EYS: variants seen among roughly 807,000 people sequenced by gnomAD.
The protein encoded by EYS is protein eyes shut homolog.
A neutral mutation model predicts 282.1 loss-of-function variants in EYS; 250 were observed. That is an observed-to-expected ratio of 0.89 (90% CI 0.80 to 0.98). The LOEUF (loss-of-function observed/expected upper bound fraction) is 0.98, where lower values mean the gene tolerates loss of function less well. Among genes scored for constraint, EYS ranks in the 50% least tolerant of loss-of-function variants. The probability of loss-of-function intolerance (pLI) is 0.00; values close to 1 mark genes in which losing one functional copy is unlikely to be tolerated. For missense variants in EYS, 4,016 were observed against 3,709.0 expected, an observed-to-expected ratio of 1.08 and a Z score of -2.15; for synonymous variants, 1,355 against 1,282.9, an observed-to-expected ratio of 1.06 and a Z score of -1.20.
chr6:65,590,685 A>G (rs1765198848), intron 2 of EYS, among the ~76,000 whole-genome samples: 1 of 152,022 alleles, frequency 6.6e-6, no homozygotes, highest in African/African-American at 2.4e-5. Flanking sequence ...TACTTCTAGA[A>G]GATCAACTTT....
chr6:65,506,853 A>T (rs2127282829), intron 2 of EYS, among the ~76,000 whole-genome samples: 1 of 152,228 alleles, frequency 6.6e-6, no homozygotes, highest in South Asian at 2.1e-4. Context: ...ACCTTGTAAC[A>T]GAATATTCCT....
intron 35 of EYS, among the ~76,000 whole-genome samples, chr6:63,955,375 C>T (rs1261182141): frequency 6.6e-6 from 1 of 152,192 alleles, no homozygotes; most frequent in Non-Finnish European, 1.5e-5. Flanking sequence ...CCATAAGTCT[C>T]TCTTAAAGTG....
intron 36 of EYS, 37 bp from the exon 37 acceptor site, chr6:63,806,409 C>G: frequency 6.8e-7 from 1 of 1,480,506 alleles, no homozygotes; most frequent in Non-Finnish European, 9.0e-7. Context: ...TAAAATAAAC[C>G]TGTACATGTA....
At chr6:64,151,313 ATATT>A (rs1199559950) in intron 31 of EYS, among the ~76,000 whole-genome samples, 850 of 50,880 alleles carry the variant, frequency 0.017, 14 homozygotes, top group East Asian at 0.07. Flanking sequence ...GTGTGTGTGT[ATATT>A]TATATATATA....
intron 2 of EYS, among the ~76,000 whole-genome samples, chr6:65,528,191 T>C (rs1323788099): frequency 6.6e-6 from 1 of 152,320 alleles, no homozygotes; most frequent in Admixed American, 6.5e-5. Context: ...AATGTCCATA[T>C]TGTGGAATTC....
chr6:65,400,488 T>C (rs933444762), intron 7 of EYS, among the ~76,000 whole-genome samples: 6 of 151,924 alleles, frequency 3.9e-5, no homozygotes, highest in East Asian at 1.9e-4. Flanking sequence ...ACTTTACAAC[T>C]CCTTCTGCTC....
chr6:64,852,622 A>C lies in EYS; in HGVS notation c.2993-29800T>G, dbSNP rs182508068. Among the ~76,000 whole-genome samples the C allele has an allele frequency of 1.8e-3, 278 of 152,308 alleles. 1 individual carries two copies. Among genetic ancestry groups the C allele is most frequent in the African/African-American group, 6.2e-3 (256 of 41,590 alleles). ...GAATGTTTGTAGATGTAATAAAGTT[A>C]AGATGAGGTTATACTGAAATAAGAT... On this transcript the variant is annotated intron_variant, in intron 19 of 42. Transcript: ENST00000503581.
At chr6:63,804,473 C>T (rs1333260391) in intron 37 of EYS, among the ~76,000 whole-genome samples, 1 of 152,200 alleles carries the variant, frequency 6.6e-6, no homozygotes, top group Non-Finnish European at 1.5e-5. Flanking sequence ...ATGGTGGAGA[C>T]TGATTCATGT....
chr6:65,022,364 C>T (rs970016247), intron 13 of EYS, among the ~76,000 whole-genome samples: 6 of 152,068 alleles, frequency 3.9e-5, no homozygotes, highest in East Asian at 3.9e-4. Flanking sequence ...ATGCTTATTG[C>T]GATAGTAACA....
chr6:64,497,250 G>C (rs1373027649), intron 26 of EYS, among the ~76,000 whole-genome samples: 1 of 152,142 alleles, frequency 6.6e-6, no homozygotes, highest in East Asian at 1.9e-4. Context: ...TGCAAACTCA[G>C]AAGGCTGAGG....
At chr6:65,330,130 T>C in intron 11 of EYS, 1 of 981,858 alleles carries the variant, frequency 1.0e-6, no homozygotes, top group Non-Finnish European at 1.2e-6. Flanking sequence ...ACTTTCTAAA[T>C]GAAACAGAAG....
intron 22 of EYS, among the ~76,000 whole-genome samples, chr6:64,712,109 TC>T (rs1771235032): frequency 6.6e-6 from 1 of 152,202 alleles, no homozygotes. Flanking sequence ...AGATGGGGTT[TC>T]ACTAGGTACC....
intron 18 of EYS, among the ~76,000 whole-genome samples, chr6:64,891,165 TA>T (rs67723372): frequency 0.16 from 23,564 of 144,770 alleles, 2,152 homozygotes; most frequent in East Asian, 0.5. Flanking sequence ...TCATAGAGAT[TA>T]AAAAAAAAAA....
intron 12 of EYS, among the ~76,000 whole-genome samples, chr6:65,243,972 T>C (rs1767116965): frequency 6.6e-6 from 1 of 152,226 alleles, no homozygotes; most frequent in Non-Finnish European, 1.5e-5. Context: ...TAAAATAGTT[T>C]TTGAACCAAT....
chr6:63,846,554 A>C (rs1483878225), intron 36 of EYS, among the ~76,000 whole-genome samples: 1 of 152,258 alleles, frequency 6.6e-6, no homozygotes, highest in East Asian at 1.9e-4. Context: ...AAACTGAATC[A>C]CTAGGTGCAA....
chr6:63,826,845 C>CA (rs59957107), intron 36 of EYS, among the ~76,000 whole-genome samples: 35 of 76,738 alleles, frequency 4.6e-4, no homozygotes, highest in Middle Eastern at 9.3e-3. Flanking sequence ...AGTTAAAAAG[C>CA]AAAAAAAAAA....
At position 64,876,889 on chromosome 6, in the gene EYS, G is replaced by A. The variant is rs1364572534; in HGVS notation, c.2992+9808C>T. ...TTTAGCAGACCAATGTAAGGAGTAT[G>A]TGCTTTGTTCAAGTATTTTGGGAAG... is the stretch of plus-strand genomic sequence containing the variant. On this transcript the variant is annotated intron_variant, in intron 19 of 42. Transcript: ENST00000503581. 7.9e-5 allele frequency among the ~76,000 whole-genome samples: 12 copies of A among 152,096 alleles called. 1 individual carries two copies.
chr6:65,696,163 A>G (rs1204464863), intron 1 of EYS, among the ~76,000 whole-genome samples: 2 of 152,038 alleles, frequency 1.3e-5, no homozygotes, highest in East Asian at 1.9e-4. Context: ...GTATTCTTCA[A>G]AACGACTGAT....
At chr6:63,901,664 A>T (rs894107907) in intron 35 of EYS, among the ~76,000 whole-genome samples, 21 of 152,352 alleles carry the variant, frequency 1.4e-4, no homozygotes, top group African/African-American at 5.1e-4. Context: ...AAATATTACT[A>T]ATAGCTAACT....
Sources: allele counts gnomAD v4.1 joint callset (sites outside exome capture counted in the v4.1 genomes callset), GRCh38; gene constraint gnomAD v4.1.1; transcripts MANE v1.5; gene names NCBI Gene and HGNC (gene_info 2026-07-23, HGNC 2026-07-21).